The following OSBPL1A variants were observed in gnomAD, a reference collection of about 807,000 sequenced individuals.
The protein encoded by OSBPL1A is oxysterol binding protein like 1A, also known as oxysterol-binding protein-related protein 1.
In OSBPL1A, 80 loss-of-function variants were observed where a neutral mutation model predicts 137.1. The ratio of observed to expected loss-of-function variants is 0.58; its 90% confidence interval spans 0.49 to 0.70. The LOEUF (loss-of-function observed/expected upper bound fraction) is 0.70, where lower values mean the gene tolerates loss of function less well. Ranked by LOEUF, OSBPL1A falls within the 30% of genes least tolerant of loss-of-function variation. The pLI, the probability that OSBPL1A is intolerant of heterozygous loss-of-function variation, is 0.00. For missense variants in OSBPL1A, 970 were observed against 1,129.4 expected, an observed-to-expected ratio of 0.86 and a Z score of 2.02; for synonymous variants, 365 against 389.7, an observed-to-expected ratio of 0.94 and a Z score of 0.75.
chr18:24,202,351 G>GT (rs1254927806), intron 17 of OSBPL1A, among the ~76,000 whole-genome samples: 1 of 152,190 alleles, frequency 6.6e-6, no homozygotes, highest in East Asian at 1.9e-4. Flanking sequence ...CTACATGTCA[G>GT]TTTTTAAGAA....
chr18:24,243,967 T>C (rs1463696561), intron 15 of OSBPL1A, among the ~76,000 whole-genome samples: 1 of 152,244 alleles, frequency 6.6e-6, no homozygotes, highest in Non-Finnish European at 1.5e-5. Context: ...TTAGTACTTT[T>C]TGGTCAGAAG....
intron 18 of OSBPL1A, among the ~76,000 whole-genome samples, chr18:24,185,646 G>A (rs1205753311): frequency 4.6e-5 from 7 of 152,152 alleles, no homozygotes; most frequent in African/African-American, 9.7e-5. Context: ...CAAATGGGCC[G>A]CCCTGGTGAG....
chr18:24,305,480 T>C (rs1199584107), intron 13 of OSBPL1A, among the ~76,000 whole-genome samples: 1 of 152,194 alleles, frequency 6.6e-6, no homozygotes, highest in Non-Finnish European at 1.5e-5. Flanking sequence ...TACTAAAAGA[T>C]ACTAAAAAGA....
chr18:24,287,596 A>G (rs113982801), intron 14 of OSBPL1A, among the ~76,000 whole-genome samples: 1 of 152,054 alleles, frequency 6.6e-6, no homozygotes, highest in Non-Finnish European at 1.5e-5. Flanking sequence ...AACATGGTGA[A>G]ACCCTGTCTC....
intron 18 of OSBPL1A, among the ~76,000 whole-genome samples, chr18:24,192,965 G>A (rs373920920): frequency 1.3e-5 from 2 of 152,146 alleles, no homozygotes; most frequent in East Asian, 3.8e-4. Context: ...CTTACACCCC[G>A]CACTCTGTCC....
Position 24,163,074 on chromosome 18 carries a change from C to T in OSBPL1A, c.*105G>A. The T allele has an allele frequency of 1.3e-6, 1 of 750,440 alleles. No individual in the cohort carries two copies. 46.5% of individuals were successfully genotyped at this position (750,440 alleles called of 1,614,324 possible). A position where few individuals can be genotyped will look rare whatever the true frequency, so the allele number is the denominator to read the frequency against. ...TGCAGTTATCTCATGAGTGTTTTTT[C>T]ATTTTTTTTTTTAAAAGATAAGTAG... is the stretch of plus-strand genomic sequence containing the variant. On this transcript the variant is annotated 3_prime_UTR_variant, in exon 28 of 28. Coordinates refer to ENST00000319481, the MANE Select transcript of OSBPL1A (RefSeq NM_080597.4).
chr18:24,232,617 G>A (rs550706358), intron 16 of OSBPL1A, among the ~76,000 whole-genome samples: 1 of 152,268 alleles, frequency 6.6e-6, no homozygotes, highest in Admixed American at 6.5e-5. Context: ...AATTTGTCTT[G>A]TTTCTCAACA....
chr18:24,283,281 A>AAAAAAAAAAT (rs1246058393), intron 14 of OSBPL1A, among the ~76,000 whole-genome samples: 23 of 78,366 alleles, frequency 2.9e-4, no homozygotes, highest in African/African-American at 4.2e-4. Flanking sequence ...AAAAAAAAAA[A>AAAAAAAAAAT]ATATATATAT....
At chr18:24,371,016 A>G (rs1905587624) in intron 2 of OSBPL1A, among the ~76,000 whole-genome samples, 1 of 152,132 alleles carries the variant, frequency 6.6e-6, no homozygotes, top group African/African-American at 2.4e-5. Flanking sequence ...CACTTCCTTC[A>G]ATAAATTCAG....
At chr18:24,245,749 T>G (rs1291295659) in intron 15 of OSBPL1A, among the ~76,000 whole-genome samples, 3 of 152,190 alleles carry the variant, frequency 2.0e-5, no homozygotes, top group African/African-American at 7.2e-5. Flanking sequence ...TTTTATAGAT[T>G]TACAAAATAC....
At chr18:24,394,805 A>G (rs926761375) in intron 1 of OSBPL1A, among the ~76,000 whole-genome samples, 13 of 135,602 alleles carry the variant, frequency 9.6e-5, no homozygotes, top group South Asian at 2.8e-4. Context: ...ATGATACGAA[A>G]TTGTACAGTT....
intron 15 of OSBPL1A, among the ~76,000 whole-genome samples, chr18:24,270,785 C>CA (rs1402223996): frequency 1.3e-5 from 2 of 152,166 alleles, no homozygotes; most frequent in Non-Finnish European, 2.9e-5. Flanking sequence ...CACCAACACA[C>CA]ATTTCAAGCA....
intron 16 of OSBPL1A, among the ~76,000 whole-genome samples, chr18:24,235,841 T>C (rs2088452818): frequency 6.6e-6 from 1 of 152,178 alleles, no homozygotes; most frequent in Non-Finnish European, 1.5e-5. Flanking sequence ...AAAAGGGACT[T>C]TGCAGATATG....
chr18:24,375,203 T>C (rs1018131865), intron 2 of OSBPL1A, among the ~76,000 whole-genome samples: 1 of 149,710 alleles, frequency 6.7e-6, no homozygotes, highest in Non-Finnish European at 1.5e-5. Flanking sequence ...TAGTCCCAAC[T>C]ACTCTGGAGG....
intron 14 of OSBPL1A, chr18:24,301,450 C>G (rs527282194): frequency 1.3e-5 from 2 of 152,180 alleles, no homozygotes; most frequent in Non-Finnish European, 2.9e-5. Context: ...TGGACTTTTT[C>G]TACATCTTTT....
At chr18:24,168,205 A>T (rs2086188798) in intron 24 of OSBPL1A, among the ~76,000 whole-genome samples, 1 of 152,096 alleles carries the variant, frequency 6.6e-6, no homozygotes, top group African/African-American at 2.4e-5. Flanking sequence ...GGTTCAAGCA[A>T]TCCTCCTGCC....
chr18:24,321,853 T>C (rs2090866646), intron 7 of OSBPL1A: 1 of 383,582 alleles, frequency 2.6e-6, no homozygotes. Flanking sequence ...ATTGCTAAGT[T>C]CTGGAGGAGG....
chr18:24,395,484 T>G (rs1906028570), intron 1 of OSBPL1A, among the ~76,000 whole-genome samples: 1 of 152,140 alleles, frequency 6.6e-6, no homozygotes, highest in Non-Finnish European at 1.5e-5. Flanking sequence ...AGGAGAAAAT[T>G]TGTAATGTAT....
chr18:24,365,453 G>A (rs868399118), intron 4 of OSBPL1A, among the ~76,000 whole-genome samples: 3 of 151,978 alleles, frequency 2.0e-5, no homozygotes, highest in Non-Finnish European at 4.4e-5. Context: ...GCATGGTGGC[G>A]GGTGCCTGTA....
Sources: gnomAD v4.1 joint callset for allele counts (sites outside exome capture counted in the v4.1 genomes callset) on GRCh38, gnomAD v4.1.1 for gene constraint, MANE v1.5 for transcripts, NCBI Gene and HGNC (gene_info 2026-07-23, HGNC 2026-07-21) for gene names.